Variants in TSBP1 observed in about 807,000 individuals in gnomAD.
The protein encoded by TSBP1 is testis expressed basic protein 1.
A neutral mutation model predicts 68.8 loss-of-function variants in TSBP1; 56 were observed. The observed-to-expected ratio is 0.81, with a 90% confidence interval of 0.66 to 1.02. The LOEUF (loss-of-function observed/expected upper bound fraction) is 1.02. TSBP1 is among the 50% of genes least tolerant of loss of function. TSBP1 has a pLI of 0.00. For synonymous variants in TSBP1, 171 were observed against 208.7 expected, an observed-to-expected ratio of 0.82 and a Z score of 1.56; for missense variants, 502 against 641.2, an observed-to-expected ratio of 0.78 and a Z score of 2.34.
At position 32,330,635 on chromosome 6, in the gene TSBP1, A is replaced by AACACACACACAC. The variant is rs9279582; in HGVS notation, c.494-38_494-27dup. 413 of 1,134,646 alleles carry AACACACACACAC rather than the reference A, an allele frequency of 3.6e-4. 1 individual carries two copies. Among genetic ancestry groups the AACACACACACAC allele is most frequent in the South Asian group, 2.1e-3 (133 of 64,364 alleles). The allele number at this position is 1,134,646 out of a possible 1,614,324, so 70.3% of individuals were successfully genotyped here. ...CTAAAAAATAGAAACAAACAAATTA[A>AACACACACACAC]ACACACACACACACACACACACACA... On this transcript the variant is annotated intron_variant, in intron 15 of 22. Transcript: ENST00000612031.
rs1773558004 is a variant in TSBP1, at chr6:32,365,248, C to G, written c.217+919G>C. ...CAATCCTGCAAAGCCAGTCCAGGTT[C>G]TGAGAGCCTTCCCTTTGTTTTCCCT... On this transcript the variant is annotated intron_variant, in intron 6 of 22. Coordinates refer to ENST00000612031, the Ensembl canonical transcript of TSBP1. This position sits in a 1 kb window ranked among gnomAD's most constrained non-coding sequence, Gnocchi z 4.3. The G allele has an allele frequency of 2.2e-6, 1 of 450,502 alleles. No individual in the cohort carries two copies. Among genetic ancestry groups the G allele is most frequent in the Admixed American group, 2.4e-5 (1 of 41,942 alleles). 27.9% of individuals were successfully genotyped at this position (450,502 alleles called of 1,614,324 possible).
At chr6:32,348,970 A>C (rs1185933312) in intron 9 of TSBP1, among the ~76,000 whole-genome samples, 2 of 152,100 alleles carry the variant, frequency 1.3e-5, no homozygotes, top group African/African-American at 4.8e-5. Flanking sequence ...TGGACTTCTC[A>C]TTCTTCGAAG....
chr6:32,362,288 CA>C (rs9257083), intron 6 of TSBP1, among the ~76,000 whole-genome samples: 19 of 101,296 alleles, frequency 1.9e-4, no homozygotes, highest in South Asian at 1.1e-3. Flanking sequence ...GACTCCGTCT[CA>C]AAAAAAAAAA....
chr6:32,320,386 A>C (rs532553325), intron 18 of TSBP1, among the ~76,000 whole-genome samples: 10 of 152,102 alleles, frequency 6.6e-5, no homozygotes, highest in Admixed American at 5.9e-4. Context: ...GCTTCTGTGC[A>C]TGGGGAGGCA....
chr6:32,365,454 C>T lies in TSBP1; in HGVS notation c.217+713G>A. On this transcript the variant is annotated intron_variant, in intron 6 of 22. Transcript: ENST00000612031. The surrounding 1 kb of genome is among the most constrained non-coding windows in gnomAD (Gnocchi z 4.3). ...TCAGTAGTGCAAGGAGCATAGGTCA[C>T]GCATCTCAAATGGCAGGCTTTCTGA... is the stretch of plus-strand genomic sequence containing the variant. 6.6e-6 allele frequency: 3 copies of T among 456,884 alleles called. No individual in the cohort carries two copies. The highest frequency in any genetic ancestry group is 2.0e-5 in the African/African-American group (1 of 50,184). 28.3% of individuals were successfully genotyped at this position (456,884 alleles called of 1,614,324 possible).
At chr6:32,371,871 G>A (rs1198046174) in exon 1 of TSBP1, 4 of 717,918 alleles carry the variant, frequency 5.6e-6, no homozygotes, top group Admixed American at 4.2e-5. Flanking sequence ...GAGAAATTGT[G>A]TGGAGCAGAT....
chr6:32,320,312 C>T (rs6920338), intron 18 of TSBP1: 378,428 of 433,264 alleles, frequency 0.87, 165,864 homozygotes, highest in South Asian at 0.92. Context: ...TGGACAGATC[C>T]AACTCTGGAC....
At chr6:32,348,417 T>C (rs1205927486) in intron 9 of TSBP1, among the ~76,000 whole-genome samples, 1 of 133,192 alleles carries the variant, frequency 7.5e-6, no homozygotes, top group Non-Finnish European at 1.7e-5. Flanking sequence ...AAAACAGCCT[T>C]ATTCATGGGA....
At position 32,338,307 on chromosome 6, in the gene TSBP1, G is replaced by C. The variant is rs1769905392; in HGVS notation, c.409+672C>G. 6.6e-6 allele frequency among the ~76,000 whole-genome samples: 1 copy of C among 152,044 alleles called. No homozygotes were observed. Among genetic ancestry groups the C allele is most frequent in the Non-Finnish European group, 1.5e-5 (1 of 68,004 alleles). On this transcript the variant is annotated intron_variant, in intron 11 of 22. Transcript: ENST00000612031. The surrounding 1 kb of genome is among the most constrained non-coding windows in gnomAD (Gnocchi z 5.5). Reference sequence around the variant, plus strand: ...AGACTCTGCATATCTAAAACTCCAGGGTGACGTTGATGCAGGCCCTTGGAC... The same window carrying C: ...AGACTCTGCATATCTAAAACTCCAGCGTGACGTTGATGCAGGCCCTTGGAC...
chr6:32,328,051 A>G (rs6457542), intron 16 of TSBP1, among the ~76,000 whole-genome samples: 51,365 of 151,340 alleles, frequency 0.34, 9,736 homozygotes, highest in Middle Eastern at 0.52. Flanking sequence ...TGATCTGCCC[A>G]CCTTGGCCTC....
chr6:32,351,513 A>G (rs1771717837), intron 8 of TSBP1, among the ~76,000 whole-genome samples: 1 of 152,180 alleles, frequency 6.6e-6, no homozygotes. Context: ...TAAGAAATAT[A>G]AAAGAGAAGT....
At chr6:32,323,895 G>C in intron 16 of TSBP1, 1 of 457,912 alleles carries the variant, frequency 2.2e-6, no homozygotes, top group Non-Finnish European at 3.9e-6. Context: ...AGAATCCTAC[G>C]GTGGTGAAAA....
At chr6:32,352,501 T>G (rs186022348) in intron 8 of TSBP1, among the ~76,000 whole-genome samples, 10 of 151,732 alleles carry the variant, frequency 6.6e-5, no homozygotes, top group African/African-American at 2.2e-4. Context: ...GATTTAAAAA[T>G]GAAAGAACAG....
At chr6:32,356,902 T>G (rs1346038550) in intron 6 of TSBP1, 1 of 154,200 alleles carries the variant, frequency 6.5e-6, no homozygotes, top group African/African-American at 2.4e-5. Context: ...CAAAAAAATT[T>G]TGGAATAACC....
intron 17 of TSBP1, 197 bp from the exon 19 acceptor site, chr6:32,323,334 A>T (rs758620726): frequency 3.0e-6 from 2 of 673,298 alleles, no homozygotes; most frequent in Non-Finnish European, 2.7e-6. Flanking sequence ...TATTCTAAGG[A>T]TTAAATGAGG....
intron 1 of TSBP1, 133 bp from the exon 2 acceptor site, chr6:32,370,116 T>G: frequency 1.5e-6 from 1 of 658,204 alleles, no homozygotes; most frequent in Non-Finnish European, 2.7e-6. Context: ...AACTCCTTTA[T>G]TCTTTTATTT....
chr6:32,323,200 G>T, intron 17 of TSBP1, 63 bp from the exon 19 acceptor site: 1 of 1,133,962 alleles, frequency 8.8e-7, no homozygotes, highest in Non-Finnish European at 1.3e-6. Context: ...CCTCTAGGGA[G>T]GTATATTTGT....
chr6:32,360,071 T>G (rs1384764954), intron 6 of TSBP1, among the ~76,000 whole-genome samples: 2 of 152,118 alleles, frequency 1.3e-5, no homozygotes, highest in East Asian at 3.9e-4. Context: ...AAACCTACAC[T>G]CTTAGTAAAT....
intron 19 of TSBP1, among the ~76,000 whole-genome samples, chr6:32,312,677 G>A (rs1766524034): frequency 6.6e-6 from 1 of 152,136 alleles, no homozygotes; most frequent in Non-Finnish European, 1.5e-5. Flanking sequence ...TCAATAAATA[G>A]TTTCATTCGT....
Sources: gnomAD v4.1 joint callset for allele counts (sites outside exome capture counted in the v4.1 genomes callset) on GRCh38, gnomAD v4.1.1 for gene constraint, Gnocchi (gnomAD v3.1) non-coding constraint, MANE v1.5 for transcripts, NCBI Gene and HGNC (gene_info 2026-07-23, HGNC 2026-07-21) for gene names.